Variants in LRRC7 observed in about 807,000 individuals in gnomAD.
LRRC7 encodes the protein leucine-rich repeat-containing protein 7.
Under a neutral mutation model 175.7 loss-of-function variants are expected in LRRC7, and 23 were observed. The observed-to-expected ratio is 0.13, with a 90% CI of 0.09 to 0.19. The LOEUF (loss-of-function observed/expected upper bound fraction) is 0.19, where lower values mean the gene tolerates loss of function less well. Ranked by LOEUF, LRRC7 falls within the 10% of genes least tolerant of loss-of-function variation. The pLI is 1.00. For missense variants in LRRC7, 1,354 were observed against 1,904.7 expected (o/e 0.71, Z 5.38); for synonymous variants, 685 against 680.9 (o/e 1.01, Z -0.09).
chr1:69,945,921 G>A (rs1000589884), intron 8 of LRRC7, among the ~76,000 whole-genome samples: 2 of 152,124 alleles, frequency 1.3e-5, no homozygotes, highest in African/African-American at 4.8e-5. Context: ...CATGTCATCT[G>A]TAAGCAGAGA....
chr1:69,600,310 A>T (rs934151161), intron 1 of LRRC7, among the ~76,000 whole-genome samples: 1 of 152,168 alleles, frequency 6.6e-6, no homozygotes, highest in Non-Finnish European at 1.5e-5. Context: ...CCAGAGAATC[A>T]TCCAGGATAT....
At chr1:70,067,527 G>T (rs1662066838) in intron 23 of LRRC7, among the ~76,000 whole-genome samples, 1 of 151,982 alleles carries the variant, frequency 6.6e-6, no homozygotes, top group Non-Finnish European at 1.5e-5. Flanking sequence ...GGTCTTTCTT[G>T]ATTACAACTC....
chr1:69,667,777 T>C (rs1040205310), intron 1 of LRRC7, among the ~76,000 whole-genome samples: 3 of 152,340 alleles, frequency 2.0e-5, no homozygotes, highest in African/African-American at 7.2e-5. Flanking sequence ...CAACTTTTGA[T>C]TGAAGAGTTT....
intron 4 of LRRC7, among the ~76,000 whole-genome samples, chr1:69,798,102 A>G (rs1676014680): frequency 6.6e-6 from 1 of 151,920 alleles, no homozygotes; most frequent in South Asian, 2.1e-4. Flanking sequence ...TTGTATTTTT[A>G]GTAGAGATGG....
rs1653742761 is a variant in LRRC7 at position 69,984,429 on chromosome 1, GA to G, written c.787-1812del. The stretch of plus-strand genomic sequence containing the variant: ...ATTTATACTCTGTCAAGTAATTAGA[GA>G]TGGTAAAGTATGCACAGGTAGACCA... On this transcript the variant is annotated intron_variant, in intron 9 of 26. Coordinates refer to ENST00000651989, the MANE Select transcript of LRRC7 (RefSeq NM_001370785.2). Among the ~76,000 whole-genome samples, 5 of 152,292 alleles carry G rather than the reference GA, an allele frequency of 3.3e-5. No homozygotes were observed. In the South Asian group the frequency reaches 1.0e-3, roughly 32 times the overall value.
chr1:69,659,607 T>C (rs967081647), intron 1 of LRRC7, among the ~76,000 whole-genome samples: 2 of 151,192 alleles, frequency 1.3e-5, no homozygotes, highest in African/African-American at 4.9e-5. Context: ...TACAACCATA[T>C]ACATTTAATT....
At chr1:69,838,976 A>G in intron 7 of LRRC7, 1 of 188,780 alleles carries the variant, frequency 5.3e-6, no homozygotes, top group South Asian at 7.7e-5. Context: ...TTTTTACTCA[A>G]TTAAATCAGT....
chr1:69,784,426 A>C (rs1348378729), intron 3 of LRRC7, among the ~76,000 whole-genome samples: 2 of 152,190 alleles, frequency 1.3e-5, no homozygotes, highest in Non-Finnish European at 2.9e-5. Flanking sequence ...TGTGTATTTC[A>C]CAATAAGACA....
chr1:69,928,589 G>A (rs972245457), intron 7 of LRRC7, among the ~76,000 whole-genome samples: 10 of 152,198 alleles, frequency 6.6e-5, no homozygotes, highest in Admixed American at 2.0e-4. Context: ...GCGAGACTCC[G>A]TGGGCGTAGG....
rs547833904 is a variant in LRRC7 at position 69,646,159 on chromosome 1, G to A, written c.3-32222G>A. On this transcript the variant is annotated intron_variant, in intron 1 of 26. Transcript: ENST00000651989. ...ACTGAGAGTATGGATAATACATGCC[G>A]TATGTTTTTAAACTCATTTTTGTAA... 1.1e-4 allele frequency among the ~76,000 whole-genome samples: 16 copies of A among 151,944 alleles called. No individual in the cohort carries two copies. In the East Asian group the frequency reaches 1.2e-3, roughly 11 times the overall value.
At chr1:69,761,309 A>G (rs1671011215) in intron 3 of LRRC7, among the ~76,000 whole-genome samples, 1 of 152,070 alleles carries the variant, frequency 6.6e-6, no homozygotes, top group Non-Finnish European at 1.5e-5. Context: ...CAGTAATCAG[A>G]AAAAGAATCT....
At chr1:70,060,084 G>C (rs555898352) in intron 23 of LRRC7, among the ~76,000 whole-genome samples, 3 of 152,084 alleles carry the variant, frequency 2.0e-5, no homozygotes, top group Admixed American at 6.6e-5. Flanking sequence ...TTGGGAGGCC[G>C]AGGCAAGCGG....
In LRRC7 at chr1:70,132,774, C is replaced by G. The variant is rs1666726816; in HGVS notation, c.*10887C>G. ...GCGTGAGACACCGCGCCCGGCCGTACTTTTCTTAAATAAAGACTAATGTCA... is the reference window on the plus strand; with the variant it reads ...GCGTGAGACACCGCGCCCGGCCGTAGTTTTCTTAAATAAAGACTAATGTCA... On this transcript the variant is annotated 3_prime_UTR_variant, in exon 27 of 27. Coordinates refer to ENST00000651989, the MANE Select transcript of LRRC7 (RefSeq NM_001370785.2). Among the ~76,000 whole-genome samples the G allele has an allele frequency of 6.6e-6, 1 of 151,780 alleles. No individual in the cohort carries two copies. The highest frequency in any genetic ancestry group is 2.4e-5 in the African/African-American group (1 of 41,326).
intron 21 of LRRC7, among the ~76,000 whole-genome samples, chr1:70,042,637 T>C (rs1055545078): frequency 6.6e-6 from 1 of 152,192 alleles, no homozygotes; most frequent in Non-Finnish European, 1.5e-5. Context: ...ATTTAAAACA[T>C]GAACCCATAT....
intron 7 of LRRC7, among the ~76,000 whole-genome samples, chr1:69,887,756 C>T (rs1193249929): frequency 6.8e-6 from 1 of 147,602 alleles, no homozygotes; most frequent in East Asian, 2.0e-4. Context: ...GTTTTATCTA[C>T]TTTTGGTCTT....
rs547795175 is a variant in LRRC7, at chr1:69,796,007, C to T, written c.421+3847C>T. Among the ~76,000 whole-genome samples, 31 of 151,108 alleles carry T rather than the reference C, an allele frequency of 2.1e-4. No homozygotes were observed. The East Asian group carries it at 5.7e-3, about 28-fold the overall frequency. ...TAAGTTTTAGGGTACATGTGCACAACGTGCAGGTTTTGTTACATATGTATG... is the reference window on the plus strand; with the variant it reads ...TAAGTTTTAGGGTACATGTGCACAATGTGCAGGTTTTGTTACATATGTATG... On this transcript the variant is annotated intron_variant, in intron 4 of 26. Coordinates refer to ENST00000651989, the MANE Select transcript of LRRC7 (RefSeq NM_001370785.2).
chr1:69,751,573 T>A (rs1669851473), intron 2 of LRRC7, among the ~76,000 whole-genome samples: 2 of 152,148 alleles, frequency 1.3e-5, no homozygotes, highest in Admixed American at 1.3e-4. Context: ...CAATGTCTAG[T>A]ACGGAGGAGT....
intron 1 of LRRC7, among the ~76,000 whole-genome samples, chr1:69,646,371 GTAAA>G (rs1217954909): frequency 1.3e-5 from 2 of 152,052 alleles, no homozygotes; most frequent in Non-Finnish European, 2.9e-5. Flanking sequence ...ATAAAATAGT[GTAAA>G]TAAGTAAATT....
intron 7 of LRRC7, among the ~76,000 whole-genome samples, chr1:69,893,990 G>A (rs1645910153): frequency 6.6e-6 from 1 of 152,156 alleles, no homozygotes; most frequent in Admixed American, 6.5e-5. Flanking sequence ...AAGACATGAG[G>A]TTTGAGCAAT....
Sources: gnomAD v4.1 joint callset for allele counts (sites outside exome capture counted in the v4.1 genomes callset) on GRCh38, gnomAD v4.1.1 for gene constraint, MANE v1.5 for transcripts, NCBI Gene and HGNC (gene_info 2026-07-23, HGNC 2026-07-21) for gene names.